Variants in KMT2C observed in about 807,000 individuals in gnomAD.
The protein encoded by KMT2C is lysine methyltransferase 2C, also known as histone-lysine N-methyltransferase 2C.
In KMT2C, 88 loss-of-function variants were observed where a neutral mutation model predicts 507.9. That is an observed-to-expected ratio of 0.17 (90% CI 0.15 to 0.21). The LOEUF is 0.21. Ranked by LOEUF, KMT2C falls within the 10% of genes least tolerant of loss-of-function variation. The pLI is 1.00. For synonymous variants in KMT2C, 2,049 were observed against 2,080.8 expected, an observed-to-expected ratio of 0.98 and a Z score of 0.42; for missense variants, 4,954 against 5,957.8, an observed-to-expected ratio of 0.83 and a Z score of 5.55.
chr7:152,380,975 T>C (rs1246426830), intron 1 of KMT2C, among the ~76,000 whole-genome samples: 1 of 152,244 alleles, frequency 6.6e-6, no homozygotes, highest in Non-Finnish European at 1.5e-5. Context: ...TCCAAAAGTT[T>C]TACAGCAAAA....
chr7:152,289,776 T>A (rs1355475549), intron 6 of KMT2C, among the ~76,000 whole-genome samples: 1 of 152,182 alleles, frequency 6.6e-6, no homozygotes, highest in Admixed American at 6.5e-5. Flanking sequence ...ATTAAAAATG[T>A]GTAGGACTAG....
chr7:152,428,980 A>G (rs922005909), intron 1 of KMT2C, among the ~76,000 whole-genome samples: 1 of 152,166 alleles, frequency 6.6e-6, no homozygotes, highest in African/African-American at 2.4e-5. Context: ...CACTACACAC[A>G]GCCTCTGTTC....
chr7:152,342,869 C>T (rs1046751096), intron 2 of KMT2C, among the ~76,000 whole-genome samples: 1 of 152,146 alleles, frequency 6.6e-6, no homozygotes, highest in African/African-American at 2.4e-5. Context: ...GCCTAACCTA[C>T]GAGAAGAGAA....
rs148087218 is a variant in KMT2C, at chr7:152,260,794, T to C, written c.1299+2222A>G. ...AGACTCCGAAAGATTGAGGGTAAAG[T>C]TGGAATTAACAGAGGAAATATATTT... On this transcript the variant is annotated intron_variant, in intron 9 of 58. Transcript: ENST00000262189. 8.7e-3 allele frequency among the ~76,000 whole-genome samples: 1,318 copies of C among 152,298 alleles called. 4 individuals are homozygous for C. The highest frequency in any genetic ancestry group is 0.031 in the African/African-American group (1,273 of 41,542).
At chr7:152,200,554 C>T (rs1201618348) in intron 26 of KMT2C, among the ~76,000 whole-genome samples, 4 of 152,048 alleles carry the variant, frequency 2.6e-5, no homozygotes. Context: ...CATGGCAAAA[C>T]TCTTGACTCT....
At chr7:152,367,033 C>T (rs1330508872) in intron 1 of KMT2C, 1 of 612,286 alleles carries the variant, frequency 1.6e-6, no homozygotes, top group Non-Finnish European at 2.9e-6. Context: ...CTTGCTCTTG[C>T]GGAATCCACA....
At chr7:152,330,867 C>T in intron 2 of KMT2C, 128 bp from the exon 3 acceptor site, 1 of 862,800 alleles carries the variant, frequency 1.2e-6, no homozygotes, top group Non-Finnish European at 1.8e-6. Flanking sequence ...TTCACTAACA[C>T]AAGAAAAGTT....
Position 152,367,573 on chromosome 7 carries a change from T to G in KMT2C, c.162-8898A>C, listed in dbSNP as rs950161014. On this transcript the variant is annotated intron_variant, in intron 1 of 58. Coordinates refer to ENST00000262189, the MANE Select transcript of KMT2C (RefSeq NM_170606.3). ...AATCAACTCATTATTCCTTACAGAT[T>G]TGTATGCTCCAGAGTATCCAGGTCC... is the stretch of plus-strand genomic sequence containing the variant. 1.3e-5 allele frequency: 17 copies of G among 1,273,062 alleles called. No individual in the cohort carries two copies. In the African/African-American group the frequency reaches 2.2e-4, roughly 16 times the overall value. The allele number at this position is 1,273,062 out of a possible 1,614,324, so 78.9% of individuals were successfully genotyped here.
intron 27 of KMT2C, among the ~76,000 whole-genome samples, chr7:152,197,562 C>T (rs2094001245): frequency 6.6e-6 from 1 of 151,990 alleles, no homozygotes; most frequent in Non-Finnish European, 1.5e-5. Flanking sequence ...AATGACAACA[C>T]TGTAGTTGAA....
chr7:152,282,726 C>A (rs976692796), intron 6 of KMT2C, among the ~76,000 whole-genome samples: 1 of 151,672 alleles, frequency 6.6e-6, no homozygotes, highest in Non-Finnish European at 1.5e-5. Context: ...ATTTCTGGGG[C>A]GCTATTATTT....
chr7:152,299,687 G>C (rs918101030), intron 6 of KMT2C, among the ~76,000 whole-genome samples: 21 of 151,798 alleles, frequency 1.4e-4, no homozygotes, highest in African/African-American at 5.1e-4. Flanking sequence ...GCAAGGAACA[G>C]ATAGAGATAA....
chr7:152,307,243 A>ACGG (rs1563802943), intron 6 of KMT2C, among the ~76,000 whole-genome samples: 4 of 128,534 alleles, frequency 3.1e-5, no homozygotes, highest in African/African-American at 1.5e-4. Flanking sequence ...GGAAGGAAGG[A>ACGG]AGGAAGGACG....
intron 7 of KMT2C, among the ~76,000 whole-genome samples, chr7:152,271,808 G>T (rs947500254): frequency 6.6e-6 from 1 of 151,918 alleles, no homozygotes; most frequent in Non-Finnish European, 1.5e-5. Context: ...ACTGCAAGGT[G>T]GCTACTTTAA....
At chr7:152,197,534 A>C (rs1421897342) in intron 27 of KMT2C, among the ~76,000 whole-genome samples, 1 of 152,196 alleles carries the variant, frequency 6.6e-6, no homozygotes, top group Non-Finnish European at 1.5e-5. Context: ...GGAACTTTTT[A>C]GAGAAAATTA....
chr7:152,348,716 A>G (rs1326092841), intron 2 of KMT2C, among the ~76,000 whole-genome samples: 1 of 152,082 alleles, frequency 6.6e-6, no homozygotes, highest in Non-Finnish European at 1.5e-5. Context: ...CAGATGTTCC[A>G]CATTATATGT....
In KMT2C at chr7:152,204,990, G is replaced by A. The variant is rs2094260588; in HGVS notation, c.3961+116C>T. ...TAAGACTCTTATTGAGTAACAATAA[G>A]AGGCAATAAGGCTCTTATTGACTGT... On this transcript the variant is annotated intron_variant, in intron 25 of 58. Transcript: ENST00000262189. 3 of 614,130 alleles carry A rather than the reference G, an allele frequency of 4.9e-6. No individual in the cohort carries two copies. The South Asian group carries it at 6.9e-5, about 14-fold the overall frequency. The allele number at this position is 614,130 out of a possible 1,614,324, so 38.0% of individuals were successfully genotyped here.
chr7:152,411,009 A>AAAAT (rs1554719881), intron 1 of KMT2C, among the ~76,000 whole-genome samples: 1 of 148,836 alleles, frequency 6.7e-6, no homozygotes, highest in African/African-American at 2.5e-5. Flanking sequence ...TCTCAAAAAA[A>AAAAT]ATATATATAT....
At chr7:152,368,377 AGAAG>A (rs1431424094) in intron 1 of KMT2C, 12 of 1,104,698 alleles carry the variant, frequency 1.1e-5, no homozygotes, top group African/African-American at 7.8e-5. Flanking sequence ...GGAAGAAGAA[AGAAG>A]GGAGTATGCA....
intron 9 of KMT2C, among the ~76,000 whole-genome samples, chr7:152,255,396 G>T (rs2095643980): frequency 6.6e-6 from 1 of 151,706 alleles, no homozygotes. Context: ...AAACTCCTGA[G>T]CTCAAGCAAC....
Sources: allele counts gnomAD v4.1 joint callset (sites outside exome capture counted in the v4.1 genomes callset), GRCh38; gene constraint gnomAD v4.1.1; transcripts MANE v1.5; gene names NCBI Gene and HGNC (gene_info 2026-07-23, HGNC 2026-07-21).